The following AXL variants were observed in gnomAD, a reference collection of about 807,000 sequenced individuals.
The protein encoded by AXL is AXL receptor tyrosine kinase.
AXL carries 52 observed loss-of-function variants against 104.5 expected under a neutral mutation model. The observed-to-expected ratio is 0.50, with a 90% CI of 0.40 to 0.63. The LOEUF (loss-of-function observed/expected upper bound fraction) is 0.63, where lower values mean the gene tolerates loss of function less well. Ranked by LOEUF, AXL falls within the 20% of genes least tolerant of loss-of-function variation. The pLI is 0.00. For synonymous variants in AXL, 455 were observed against 473.7 expected (o/e 0.96, Z 0.51); for missense variants, 1,024 against 1,188.5 (o/e 0.86, Z 2.04).
Position 41,231,063 on chromosome 19 carries a change from G to C in AXL, c.667+16G>C, listed in dbSNP as rs2122219287. 5.6e-6 allele frequency: 9 copies of C among 1,613,816 alleles called. No individual in the cohort carries two copies. The highest frequency in any genetic ancestry group is 7.6e-6 in the Non-Finnish European group (9 of 1,179,752). ...ACCATCACAGGTGACAGAGTTGGGA[G>C]GTGGGGAGCTGGGCGTCAGAGGGTG... On this transcript the variant is annotated intron_variant, in intron 5 of 19. Transcript: ENST00000301178.
At position 41,259,768 on chromosome 19, in the gene AXL, A is replaced by T. The variant is rs759569953; in HGVS notation, c.2549A>T (p.Asp850Val). The change falls in exon 20 of 20, where the codon GAT becomes GTT. Residue 850 changes from aspartate (D) to valine (V), a missense_variant. Transcript: ENST00000301178. ...CCCCCAACCCAGCCAGACCCTAAGG[A>T]TTCCTGTAGCTGCCTCACTGCGGCT... is the stretch of plus-strand genomic sequence containing the variant. ...ADPPTQPDPK[D>V]SCSCLTAAEV... 1.9e-6 allele frequency: 3 copies of T among 1,613,892 alleles called. No homozygotes were observed. The highest frequency in any genetic ancestry group is 2.7e-5 in the African/African-American group (2 of 74,874).
rs68001077 is a variant in AXL at position 41,253,726 on chromosome 19, ACCCC to A, written c.2036+27_2036+30del. ...AACTGCATGTGAGTGCCTTTCAGGG[ACCCC>A]CCCCCCCCAACTGCTCCTGCACTCC... On this transcript the variant is annotated intron_variant, in intron 17 of 19. Coordinates refer to ENST00000301178, the MANE Select transcript of AXL (RefSeq NM_021913.5). 3 of 1,382,884 alleles carry A rather than the reference ACCCC, an allele frequency of 2.2e-6. No individual in the cohort carries two copies. Among genetic ancestry groups the A allele is most frequent in the African/African-American group, 1.6e-5 (1 of 60,636 alleles). 85.7% of individuals were successfully genotyped at this position (1,382,884 alleles called of 1,614,324 possible).
At chr19:41,223,336 T>C (rs140270868) in intron 4 of AXL, among the ~76,000 whole-genome samples, 64 of 152,022 alleles carry the variant, frequency 4.2e-4, no homozygotes, top group Admixed American at 7.2e-4. Flanking sequence ...GACAGGGAAG[T>C]TGGAGTGACA....
In AXL at chr19:41,257,488, C is replaced by T; in HGVS notation, c.2197-5C>T. Reference sequence around the variant, plus strand: ...AGACTGTCTAATTCCCTCTGCCCCTCACAGTGGTCCTTCGGGGTGACAATG... The same window carrying T: ...AGACTGTCTAATTCCCTCTGCCCCTTACAGTGGTCCTTCGGGGTGACAATG... On this transcript the variant is annotated splice_region_variant and splice_polypyrimidine_tract_variant and intron_variant, in intron 18 of 19. Coordinates refer to ENST00000301178, the MANE Select transcript of AXL (RefSeq NM_021913.5). 2 of 1,614,206 alleles carry T rather than the reference C, an allele frequency of 1.2e-6. No homozygotes were observed. The highest frequency in any genetic ancestry group is 2.2e-5 in the South Asian group (2 of 91,086).
chr19:41,230,884 C>T, intron 4 of AXL, 83 bp from the exon 5 acceptor site: 1 of 1,440,854 alleles, frequency 6.9e-7, no homozygotes, highest in Non-Finnish European at 9.7e-7. Context: ...TCAGGCAGGC[C>T]ATGGTAGGAG....
intron 10 of AXL, 59 bp from the exon 11 acceptor site, chr19:41,242,824 G>A: frequency 6.2e-7 from 1 of 1,604,746 alleles, no homozygotes; most frequent in Non-Finnish European, 8.5e-7. Flanking sequence ...ACCCCTTTGG[G>A]TCCCAGAGAG....
chr19:41,238,525 C>T lies in AXL; in HGVS notation c.1050C>T (p.Phe350=), dbSNP rs1438536181. Residue 350 remains phenylalanine (F), a synonymous_variant, in exon 8 of 20, where the codon TTC becomes TTT. Coordinates refer to ENST00000301178, the MANE Select transcript of AXL (RefSeq NM_021913.5). ...ISATRNGSQA[F]VHWQEPRAPL... ...CTACGCGGAATGGGAGCCAGGCCTT[C>T]GTGCATTGGCAAGAGCCCCGGGCGC... is the stretch of plus-strand genomic sequence containing the variant. 1.2e-6 allele frequency: 2 copies of T among 1,614,072 alleles called. No individual in the cohort carries two copies. The highest frequency in any genetic ancestry group is 2.2e-5 in the South Asian group (2 of 91,068).
chr19:41,248,703 G>A lies in AXL; in HGVS notation c.1634-40G>A, dbSNP rs778560247. ...CAACTATAGGAAATACAGTCCCCACGGGCCCTCTGAGGTCAGTGTCTCCCT... is the reference window on the plus strand; with the variant it reads ...CAACTATAGGAAATACAGTCCCCACAGGCCCTCTGAGGTCAGTGTCTCCCT... On this transcript the variant is annotated intron_variant, in intron 13 of 19. Coordinates refer to ENST00000301178, the MANE Select transcript of AXL (RefSeq NM_021913.5). 1.1e-5 allele frequency: 17 copies of A among 1,612,872 alleles called. No individual in the cohort carries two copies. The East Asian group carries it at 1.1e-4, about 11-fold the overall frequency.
chr19:41,258,228 C>T (rs1010575814), intron 19 of AXL, among the ~76,000 whole-genome samples: 1 of 152,196 alleles, frequency 6.6e-6, no homozygotes, highest in Admixed American at 6.5e-5. Flanking sequence ...ACTCCTCAGT[C>T]CACCTTGGGT....
chr19:41,221,558 G>A, intron 3 of AXL: 1 of 493,382 alleles, frequency 2.0e-6, no homozygotes, highest in Admixed American at 3.8e-5. Context: ...AGGCGTCAGA[G>A]GCACGCAACG....
chr19:41,223,347 G>A (rs1468183677), intron 4 of AXL, among the ~76,000 whole-genome samples: 1 of 152,144 alleles, frequency 6.6e-6, no homozygotes, highest in African/African-American at 2.4e-5. Context: ...TGGAGTGACA[G>A]AAACCCTCTC....
At chr19:41,231,428 A>G in intron 6 of AXL, 130 bp downstream of exon 6, 1 of 846,166 alleles carries the variant, frequency 1.2e-6, no homozygotes, top group Non-Finnish European at 1.8e-6. Context: ...TGGGGGGTTA[A>G]GCCAGATGTC....
At chr19:41,219,796 T>C (rs2033752592) in intron 1 of AXL, among the ~76,000 whole-genome samples, 1 of 151,034 alleles carries the variant, frequency 6.6e-6, no homozygotes, top group Non-Finnish European at 1.5e-5. Context: ...GGGGCTGAGC[T>C]GAGGGTCGCC....
chr19:41,246,810 C>A (rs1281305017), intron 12 of AXL, among the ~76,000 whole-genome samples: 1 of 152,162 alleles, frequency 6.6e-6, no homozygotes, highest in Non-Finnish European at 1.5e-5. Flanking sequence ...CTTCCTTGGC[C>A]TCCCAAGTTG....
chr19:41,235,406 A>G (rs2034063202), intron 6 of AXL, among the ~76,000 whole-genome samples: 1 of 131,648 alleles, frequency 7.6e-6, no homozygotes, highest in Admixed American at 7.6e-5. Context: ...AGATAGATAG[A>G]TAGATAATAA....
chr19:41,233,547 C>T (rs556420415), intron 6 of AXL, among the ~76,000 whole-genome samples: 1 of 151,560 alleles, frequency 6.6e-6, no homozygotes, highest in South Asian at 2.1e-4. Flanking sequence ...GGGACAATCA[C>T]CTGAGCCTGG....
intron 5 of AXL, 67 bp from the exon 6 acceptor site, chr19:41,231,116 G>T: frequency 6.2e-7 from 1 of 1,610,684 alleles, no homozygotes; most frequent in Non-Finnish European, 8.5e-7. Flanking sequence ...CAGAGTGGGG[G>T]CAGAGAGCAG....
chr19:41,222,088 A>G, intron 4 of AXL, 32 bp downstream of exon 4: 2 of 1,490,854 alleles, frequency 1.3e-6, no homozygotes, highest in South Asian at 1.4e-5. Flanking sequence ...AGCTCCGAAT[A>G]GGGGGCCGGG....
chr19:41,254,610 G>A (rs747370381), intron 17 of AXL, among the ~76,000 whole-genome samples: 2 of 151,708 alleles, frequency 1.3e-5, no homozygotes, highest in Admixed American at 6.6e-5. Context: ...GGAGGGAATG[G>A]AACCACAGAG....
Sources: allele counts gnomAD v4.1 joint callset (sites outside exome capture counted in the v4.1 genomes callset), GRCh38; gene constraint gnomAD v4.1.1; transcripts MANE v1.5; gene names NCBI Gene and HGNC (gene_info 2026-07-23, HGNC 2026-07-21).